NFIB: variants seen among roughly 807,000 people sequenced by gnomAD.
The protein encoded by NFIB is nuclear factor 1 B-type.
In NFIB, 11 loss-of-function variants were observed where a neutral mutation model predicts 61.5. The observed-to-expected ratio is 0.18, with a 90% CI of 0.11 to 0.30. NFIB has a LOEUF of 0.30. Among genes scored for constraint, NFIB ranks in the 10% least tolerant of loss-of-function variants. The pLI, the probability that NFIB is intolerant of heterozygous loss-of-function variation, is 1.00. For synonymous variants in NFIB, 260 were observed against 216.5 expected, an observed-to-expected ratio of 1.20 and a Z score of -1.76; for missense variants, 471 against 608.9, an observed-to-expected ratio of 0.77 and a Z score of 2.38.
At chr9:14,380,025 C>G (rs2061469154) in intron 1 of NFIB, among the ~76,000 whole-genome samples, 2 of 151,954 alleles carry the variant, frequency 1.3e-5, no homozygotes, top group Non-Finnish European at 1.5e-5. Context: ...TCTCATTTGA[C>G]CCTTTGGGAA....
chr9:14,177,311 T>C (rs1245003382), intron 3 of NFIB, among the ~76,000 whole-genome samples: 1 of 152,210 alleles, frequency 6.6e-6, no homozygotes, highest in Admixed American at 6.6e-5. Context: ...TAATAGAAAG[T>C]ATAATTTACT....
chr9:14,356,418 T>C (rs1485758163), intron 1 of NFIB, among the ~76,000 whole-genome samples: 4 of 151,274 alleles, frequency 2.6e-5, no homozygotes, highest in Non-Finnish European at 5.9e-5. Context: ...GAGGAACTAG[T>C]GTTTGGGGTT....
exon 1 of NFIB, chr9:14,398,525 G>A (rs765949955): frequency 6.5e-7 from 1 of 1,532,204 alleles, no homozygotes; most frequent in Non-Finnish European, 8.7e-7. Context: ...TAGACTCACA[G>A]AAAATCCAAA....
At chr9:14,176,557 A>G (rs963077435) in intron 3 of NFIB, among the ~76,000 whole-genome samples, 1 of 152,194 alleles carries the variant, frequency 6.6e-6, no homozygotes, top group Non-Finnish European at 1.5e-5. Flanking sequence ...CAAATGACAA[A>G]AAATTACTTA....
chr9:14,193,413 CGGAATAACTA>C (rs2048161028), intron 2 of NFIB, among the ~76,000 whole-genome samples: 1 of 151,964 alleles, frequency 6.6e-6, no homozygotes, highest in Admixed American at 6.6e-5. Flanking sequence ...TATCAATTGT[CGGAATAACTA>C]ACAGTCTCAT....
chr9:14,093,340 T>C (rs939591478), intron 10 of NFIB: 1 of 152,126 alleles, frequency 6.6e-6, no homozygotes, highest in African/African-American at 2.4e-5. Flanking sequence ...TTAGAATTTA[T>C]ATACTGGTTT....
the NFIB span, among the ~76,000 whole-genome samples, chr9:14,404,724 A>G: frequency 1.3e-5 from 2 of 152,178 alleles, no homozygotes; most frequent in African/African-American, 4.8e-5. Flanking sequence ...CTTGGGAGCT[A>G]GTGAGTTAAA....
chr9:14,279,011 C>T (rs985256802), intron 2 of NFIB, among the ~76,000 whole-genome samples: 10 of 152,110 alleles, frequency 6.6e-5, no homozygotes, highest in African/African-American at 1.7e-4. Context: ...TTCTTATCCT[C>T]AGGAATTTTT....
chr9:14,222,575 G>C (rs1346849180), intron 2 of NFIB, among the ~76,000 whole-genome samples: 6 of 151,992 alleles, frequency 3.9e-5, no homozygotes, highest in Non-Finnish European at 8.8e-5. Flanking sequence ...GGCCAAAATG[G>C]GAGGCTCAGT....
chr9:14,436,554 T>G, the NFIB span, among the ~76,000 whole-genome samples: 1 of 152,226 alleles, frequency 6.6e-6, no homozygotes, highest in Non-Finnish European at 1.5e-5. Flanking sequence ...AAATTTCTCC[T>G]GCACATTCAC....
Position 14,139,809 on chromosome 9 carries a change from C to T in NFIB, c.925+6880G>A, listed in dbSNP as rs1025421091. ...ACCAACAATTTATTGTTTTCCTTTCCATTTTGAAGAAGATCGTGTTGTGAT... is the reference window on the plus strand; with the variant it reads ...ACCAACAATTTATTGTTTTCCTTTCTATTTTGAAGAAGATCGTGTTGTGAT... On this transcript the variant is annotated intron_variant, in intron 6 of 10. Coordinates refer to ENST00000380953, the MANE Select transcript of NFIB (RefSeq NM_001190737.2). Among the ~76,000 whole-genome samples, 4 of 152,106 alleles carry T rather than the reference C, an allele frequency of 2.6e-5. No individual in the cohort carries two copies. In the East Asian group the frequency reaches 7.7e-4, roughly 29 times the overall value.
At chr9:14,128,164 A>T (rs13298724) in intron 6 of NFIB, among the ~76,000 whole-genome samples, 19,801 of 152,154 alleles carry the variant, frequency 0.13, 1,611 homozygotes, top group Non-Finnish European at 0.18. Context: ...ATAGACATAC[A>T]GATTATTAAG....
At chr9:14,228,353 C>G (rs1195300893) in intron 2 of NFIB, among the ~76,000 whole-genome samples, 2 of 151,868 alleles carry the variant, frequency 1.3e-5, no homozygotes, top group African/African-American at 4.8e-5. Flanking sequence ...CACCACCACG[C>G]CTGGCTAATT....
chr9:14,425,995 C>A, the NFIB span, among the ~76,000 whole-genome samples: 2 of 152,074 alleles, frequency 1.3e-5, no homozygotes, highest in Admixed American at 6.6e-5. Context: ...AGGTCTATGT[C>A]CTTTCTTCTT....
the NFIB span, among the ~76,000 whole-genome samples, chr9:14,447,596 C>T: frequency 6.6e-6 from 1 of 152,184 alleles, no homozygotes; most frequent in Non-Finnish European, 1.5e-5. Flanking sequence ...ACTCCGCATT[C>T]ACCACATTCA....
At chr9:14,453,379 T>C in the NFIB span, among the ~76,000 whole-genome samples, 2 of 152,242 alleles carry the variant, frequency 1.3e-5, no homozygotes, top group Non-Finnish European at 2.9e-5. Context: ...CACACTATGA[T>C]GTTCCCTTAA....
At chr9:14,486,068 T>A in the NFIB span, among the ~76,000 whole-genome samples, 21 of 152,082 alleles carry the variant, frequency 1.4e-4, no homozygotes, top group African/African-American at 4.8e-4. Flanking sequence ...CGGGTGTCAA[T>A]AAAGGCTTTC....
intron 2 of NFIB, among the ~76,000 whole-genome samples, chr9:14,304,312 T>A (rs1422741205): frequency 6.6e-6 from 1 of 152,200 alleles, no homozygotes; most frequent in Non-Finnish European, 1.5e-5. Flanking sequence ...ACAATGAAAC[T>A]TTAGTACATG....
At chr9:14,445,905 C>T in the NFIB span, among the ~76,000 whole-genome samples, 1 of 152,154 alleles carries the variant, frequency 6.6e-6, no homozygotes, top group Non-Finnish European at 1.5e-5. Flanking sequence ...GCCTAAATAA[C>T]ATCCTTTAGA....
Sources: gnomAD v4.1 joint callset for allele counts (sites outside exome capture counted in the v4.1 genomes callset) on GRCh38, gnomAD v4.1.1 for gene constraint, MANE v1.5 for transcripts, NCBI Gene and HGNC (gene_info 2026-07-23, HGNC 2026-07-21) for gene names.